Variants in LGSN observed in about 807,000 individuals in gnomAD.
LGSN encodes lengsin.
LGSN carries 21 observed loss-of-function variants against 19.5 expected under a neutral mutation model. The observed-to-expected ratio is 1.07, with a 90% CI of 0.76 to 1.55. LGSN has a LOEUF of 1.55. Ranked by LOEUF, LGSN falls within the 40% of genes most tolerant of loss-of-function variation. The pLI, the probability that LGSN is intolerant of heterozygous loss-of-function variation, is 0.00. For synonymous variants in LGSN, 257 were observed against 215.6 expected (o/e 1.19, Z -1.68); for missense variants, 673 against 608.5 (o/e 1.11, Z -1.12).
the LGSN span, among the ~76,000 whole-genome samples, chr6:63,450,318 C>T: frequency 6.6e-6 from 1 of 150,924 alleles, no homozygotes; most frequent in African/African-American, 2.4e-5. Flanking sequence ...GCAGAGATTG[C>T]ACACTGCACT....
chr6:63,336,561 G>GTGTGTGTGTGTATA, the LGSN span, among the ~76,000 whole-genome samples: 2 of 127,578 alleles, frequency 1.6e-5, no homozygotes, highest in African/African-American at 6.0e-5. Flanking sequence ...GTGTGTGTGT[G>GTGTGTGTGTGTATA]TATATATATA....
chr6:63,432,720 T>G, the LGSN span, among the ~76,000 whole-genome samples: 1 of 151,664 alleles, frequency 6.6e-6, no homozygotes, highest in Non-Finnish European at 1.5e-5. Flanking sequence ...AGAAATAAAT[T>G]TTTCTCCACA....
the LGSN span, among the ~76,000 whole-genome samples, chr6:63,459,410 A>T: frequency 6.6e-6 from 1 of 152,096 alleles, no homozygotes; most frequent in South Asian, 2.1e-4. Context: ...TTGAATTTTA[A>T]ATTTTCTGTT....
the LGSN span, among the ~76,000 whole-genome samples, chr6:63,343,127 A>G: frequency 6.6e-5 from 10 of 152,362 alleles, no homozygotes; most frequent in East Asian, 1.4e-3. Flanking sequence ...AGTTATAAAT[A>G]TAATAGTTTG....
chr6:63,423,246 T>C, the LGSN span, among the ~76,000 whole-genome samples: 1 of 152,110 alleles, frequency 6.6e-6, no homozygotes, highest in African/African-American at 2.4e-5. Context: ...CTCAGTAGGC[T>C]GAGGTGAGGG....
chr6:63,405,830 A>G, the LGSN span, among the ~76,000 whole-genome samples: 2 of 152,286 alleles, frequency 1.3e-5, no homozygotes, highest in African/African-American at 4.8e-5. Context: ...GGAGGGAGGA[A>G]GATCTACCAA....
chr6:63,488,093 T>C, the LGSN span, among the ~76,000 whole-genome samples: 1 of 152,118 alleles, frequency 6.6e-6, no homozygotes. Context: ...AGGGAAGTTT[T>C]TCCATATTAA....
At chr6:63,533,992 C>T in the LGSN span, among the ~76,000 whole-genome samples, 1 of 151,898 alleles carries the variant, frequency 6.6e-6, no homozygotes, top group African/African-American at 2.4e-5. Flanking sequence ...AACAGGTGCA[C>T]ACCACCATGC....
At chr6:63,370,550 A>G in the LGSN span, among the ~76,000 whole-genome samples, 2 of 152,236 alleles carry the variant, frequency 1.3e-5, no homozygotes, top group Non-Finnish European at 2.9e-5. Context: ...CCTGTGGGAC[A>G]TGGAGCAGGC....
intron 2 of LGSN, 126 bp downstream of exon 2, chr6:63,294,787 A>T: frequency 2.3e-6 from 2 of 883,150 alleles, no homozygotes; most frequent in Non-Finnish European, 3.6e-6. Context: ...ACACTTATGT[A>T]GGAATAACTT....
At chr6:63,337,403 C>G in the LGSN span, among the ~76,000 whole-genome samples, 4 of 151,602 alleles carry the variant, frequency 2.6e-5, no homozygotes, top group East Asian at 5.9e-4. Flanking sequence ...GCAGAGGTTG[C>G]GAGGTAGAGG....
the LGSN span, chr6:63,548,926 G>T: frequency 1.1e-6 from 1 of 885,432 alleles, no homozygotes; most frequent in Admixed American, 1.8e-5. Flanking sequence ...GTCTTCCTGT[G>T]GACTAGACGT....
chr6:63,301,914 G>A (rs146486992), intron 1 of LGSN, among the ~76,000 whole-genome samples: 5 of 152,104 alleles, frequency 3.3e-5, no homozygotes, highest in East Asian at 1.9e-4. Flanking sequence ...TTATTTTGCC[G>A]TAATCTGTGA....
the LGSN span, among the ~76,000 whole-genome samples, chr6:63,342,913 G>A: frequency 1.3e-5 from 2 of 152,150 alleles, no homozygotes; most frequent in Non-Finnish European, 2.9e-5. Context: ...CCATATGGGA[G>A]TCAATCTCCT....
At chr6:63,572,243 A>C in the LGSN span, 1 of 169,906 alleles carries the variant, frequency 5.9e-6, no homozygotes, top group Non-Finnish European at 1.3e-5. Context: ...GGCTTCCTGC[A>C]TCCCGGAGCA....
At chr6:63,351,496 C>A in the LGSN span, among the ~76,000 whole-genome samples, 1 of 151,820 alleles carries the variant, frequency 6.6e-6, no homozygotes, top group African/African-American at 2.4e-5. Flanking sequence ...TCTCACTCTG[C>A]CACCTAGGCT....
the LGSN span, among the ~76,000 whole-genome samples, chr6:63,340,335 A>G: frequency 1.4e-4 from 22 of 152,058 alleles, no homozygotes; most frequent in Non-Finnish European, 3.1e-4. Flanking sequence ...GTTTTCAGTT[A>G]TTATATTATT....
chr6:63,332,137 C>T, the LGSN span, among the ~76,000 whole-genome samples: 3 of 152,218 alleles, frequency 2.0e-5, no homozygotes, highest in East Asian at 5.8e-4. Flanking sequence ...CCTAAAATTC[C>T]AGGTAGTGCC....
chr6:63,542,181 C>T, the LGSN span, among the ~76,000 whole-genome samples: 1 of 152,008 alleles, frequency 6.6e-6, no homozygotes, highest in Non-Finnish European at 1.5e-5. Flanking sequence ...AATGGGAAAC[C>T]AAACATCGTA....
Sources: gnomAD v4.1 joint callset for allele counts (sites outside exome capture counted in the v4.1 genomes callset) on GRCh38, gnomAD v4.1.1 for gene constraint, MANE v1.5 for transcripts, NCBI Gene and HGNC (gene_info 2026-07-23, HGNC 2026-07-21) for gene names.